The following THAP2 variants were observed in gnomAD, a reference collection of about 807,000 sequenced individuals.
THAP2 encodes THAP domain-containing protein 2.
THAP2 carries 16 observed loss-of-function variants against 18.8 expected under a neutral mutation model. That is an observed-to-expected ratio of 0.85 (90% CI 0.58 to 1.29). The LOEUF (loss-of-function observed/expected upper bound fraction) is 1.29. Among genes scored for constraint, THAP2 ranks in the 50% most tolerant of loss-of-function variants. THAP2 has a pLI of 0.00. For missense variants in THAP2, 251 were observed against 265.3 expected (o/e 0.95, Z 0.38); for synonymous variants, 80 against 89.2 (o/e 0.90, Z 0.58).
At chr12:71,675,658 A>T (rs1299085697) in intron 2 of THAP2, among the ~76,000 whole-genome samples, 1 of 152,114 alleles carries the variant, frequency 6.6e-6, no homozygotes, top group Non-Finnish European at 1.5e-5. Context: ...AATTAAAGAC[A>T]CAGACTTATG....
Position 71,664,407 on chromosome 12 carries a change from A to T in THAP2, c.-103A>T. 6.9e-7 allele frequency: 1 copy of T among 1,456,644 alleles called. No homozygotes were observed. The highest frequency in any genetic ancestry group is 9.6e-7 in the Non-Finnish European group (1 of 1,040,264). 90.2% of individuals were successfully genotyped at this position (1,456,644 alleles called of 1,614,324 possible). ...CCGCTCTCACGACTAAGCTCTCACG[A>T]TTAAGGCACGCCTGCCTCGATTGTC... On this transcript the variant is annotated 5_prime_UTR_variant, in exon 1 of 3. Coordinates refer to ENST00000308086, the MANE Select transcript of THAP2 (RefSeq NM_031435.4).
At chr12:71,667,621 A>T (rs190206725) in intron 1 of THAP2, 1 of 152,322 alleles carries the variant, frequency 6.6e-6, no homozygotes, top group East Asian at 1.9e-4. Context: ...CCTTGATTAG[A>T]TTATTACAGT....
Position 71,674,252 on chromosome 12 carries a change from C to G in THAP2, c.121C>G (p.Arg41Gly). The change falls in exon 2 of 3, where the codon CGC (arginine) becomes GGC (glycine). Residue 41 changes from arginine (R) to glycine (G), a missense_variant. By Grantham distance (125) the Arg-to-Gly change is moderately radical (BLOSUM62 -2). Transcript: ENST00000308086. ...AAAAGAATGGGTTCGCCTGGTTAGG[C>G]GCAAAAATTTTGTGCCAGGAAAACA... ...RRKEWVRLVR[R>G]KNFVPGKHTF... The G allele has an allele frequency of 6.2e-7, 1 of 1,611,614 alleles. No homozygotes were observed. The highest frequency in any genetic ancestry group is 1.7e-4 in the Middle Eastern group (1 of 6,046).
At chr12:71,669,797 A>C (rs1216785058) in intron 1 of THAP2, among the ~76,000 whole-genome samples, 2 of 151,966 alleles carry the variant, frequency 1.3e-5, no homozygotes, top group African/African-American at 4.8e-5. Context: ...TCTACTAAAA[A>C]TATAGAAAAA....
intron 1 of THAP2, among the ~76,000 whole-genome samples, chr12:71,672,908 C>T (rs1881465382): frequency 6.6e-6 from 1 of 152,112 alleles, no homozygotes; most frequent in Non-Finnish European, 1.5e-5. Context: ...CCATGATACA[C>T]AACTTACTGG....
rs543818745 is a variant in THAP2 at position 71,664,474 on chromosome 12, A to C, written c.-36A>C. 6.2e-7 allele frequency: 1 copy of C among 1,613,256 alleles called. No individual in the cohort carries two copies. The highest frequency in any genetic ancestry group is 1.7e-5 in the Admixed American group (1 of 60,008). On this transcript the variant is annotated 5_prime_UTR_variant, in exon 1 of 3. Coordinates refer to ENST00000308086, the MANE Select transcript of THAP2 (RefSeq NM_031435.4). ...AAAGCTTAGCAGCCAGCGCCTCAGT[A>C]GAGACCTAAGGGCGCTGAATGAGTG...
chr12:71,664,453 C>A lies in THAP2; in HGVS notation c.-57C>A, dbSNP rs1881287691. ...TTGTCCAGCCTCTGCCAGAAGAAAGCTTAGCAGCCAGCGCCTCAGTAGAGA... is the reference window on the plus strand; with the variant it reads ...TTGTCCAGCCTCTGCCAGAAGAAAGATTAGCAGCCAGCGCCTCAGTAGAGA... On this transcript the variant is annotated 5_prime_UTR_variant, in exon 1 of 3. Coordinates refer to ENST00000308086, the MANE Select transcript of THAP2 (RefSeq NM_031435.4). The A allele has an allele frequency of 1.3e-6, 2 of 1,598,966 alleles. No homozygotes were observed. The highest frequency in any genetic ancestry group is 3.3e-5 in the Admixed American group (2 of 59,900).
intron 1 of THAP2, among the ~76,000 whole-genome samples, chr12:71,672,837 T>A (rs1011957026): frequency 1.3e-5 from 2 of 152,118 alleles, no homozygotes; most frequent in African/African-American, 4.8e-5. Context: ...TTATTTAAGG[T>A]TTATGGTATT....
chr12:71,676,314 G>A (rs1881519220), intron 2 of THAP2, among the ~76,000 whole-genome samples: 1 of 152,016 alleles, frequency 6.6e-6, no homozygotes, highest in Non-Finnish European at 1.5e-5. Context: ...ATTAAAAGGG[G>A]ATCAAATTAA....
chr12:71,676,377 G>C lies in THAP2; in HGVS notation c.268-312G>C, dbSNP rs187444571. Among the ~76,000 whole-genome samples, 504 of 152,084 alleles carry C rather than the reference G, an allele frequency of 3.3e-3. 5 individuals are homozygous for C. Among genetic ancestry groups the C allele is most frequent in the African/African-American group, 0.011 (467 of 41,528 alleles). On this transcript the variant is annotated intron_variant, in intron 2 of 2. Transcript: ENST00000308086. ...TAAATTGACCTTAGTAAATTGCAAA[G>C]GATCTTTAAAGTCTCTATAGAGTCA...
intron 1 of THAP2, among the ~76,000 whole-genome samples, chr12:71,668,707 T>C (rs1387465629): frequency 6.6e-6 from 1 of 152,208 alleles, no homozygotes; most frequent in East Asian, 1.9e-4. Flanking sequence ...GTATGAGGCA[T>C]TCAACTAATT....
At chr12:71,664,859 C>T (rs774299486) in intron 1 of THAP2, 58 of 702,472 alleles carry the variant, frequency 8.3e-5, no homozygotes, top group Non-Finnish European at 1.3e-4. Flanking sequence ...CTGTTTTATT[C>T]CTCTGTTAGA....
intron 1 of THAP2, among the ~76,000 whole-genome samples, chr12:71,673,364 G>GA (rs1336348783): frequency 6.6e-6 from 1 of 151,414 alleles, no homozygotes; most frequent in Non-Finnish European, 1.5e-5. Flanking sequence ...TATATTTATT[G>GA]AAAAAAATAC....
chr12:71,674,529 T>C (rs755992997), intron 2 of THAP2, 131 bp downstream of exon 2: 13 of 710,876 alleles, frequency 1.8e-5, no homozygotes, highest in Non-Finnish European at 2.6e-5. Context: ...TCTTGTACAG[T>C]AAAGGTACAG....
chr12:71,664,989 G>T lies in THAP2; in HGVS notation c.71+409G>T, dbSNP rs1799288636. ...AAATTCTCACTAGATGAATTGACAT[G>T]GGAGGCATTTAGATTTCTAATAGTC... On this transcript the variant is annotated intron_variant, in intron 1 of 2. Transcript: ENST00000308086. 7.1e-6 allele frequency: 5 copies of T among 702,190 alleles called. No individual in the cohort carries two copies. The Middle Eastern group carries it at 6.9e-4, about 97-fold the overall frequency. 43.5% of individuals were successfully genotyped at this position (702,190 alleles called of 1,614,324 possible).
In THAP2 at chr12:71,670,485, C is replaced by G. The variant is rs562976624; in HGVS notation, c.72-3718C>G. 5.3e-5 allele frequency among the ~76,000 whole-genome samples: 8 copies of G among 152,234 alleles called. No homozygotes were observed. The East Asian group carries it at 1.4e-3, about 26-fold the overall frequency. On this transcript the variant is annotated intron_variant, in intron 1 of 2. Transcript: ENST00000308086. The stretch of plus-strand genomic sequence containing the variant: ...CAGGGTTTAGGGGTGCAGAAGCTCC[C>G]TCACCACACAGTTGAAAATCGGAGT...
intron 1 of THAP2, among the ~76,000 whole-genome samples, chr12:71,673,940 A>C (rs1881480857): frequency 6.6e-6 from 1 of 151,936 alleles, no homozygotes. Context: ...TTTACTGCCC[A>C]GATTAAGGGC....
intron 1 of THAP2, among the ~76,000 whole-genome samples, chr12:71,666,521 A>G (rs942747392): frequency 6.6e-6 from 1 of 152,092 alleles, no homozygotes; most frequent in Non-Finnish European, 1.5e-5. Flanking sequence ...TCAAGAAAAA[A>G]CAAAAAACAA....
In THAP2 at chr12:71,679,014, A is replaced by C. The variant is rs1881562245; in HGVS notation, c.*1906A>C. Reference sequence around the variant, plus strand: ...ACTGACCATATCTATTTTATAACTCAAAATAAGTTGGACAAATAATCATTT... The same window carrying C: ...ACTGACCATATCTATTTTATAACTCCAAATAAGTTGGACAAATAATCATTT... On this transcript the variant is annotated 3_prime_UTR_variant, in exon 3 of 3. Transcript: ENST00000308086. The C allele has an allele frequency of 6.6e-6, 1 of 152,184 alleles. No homozygotes were observed. The allele number at this position is 152,184 out of a possible 1,614,324, so 9.4% of individuals were successfully genotyped here.
Sources: gnomAD v4.1 joint callset for allele counts (sites outside exome capture counted in the v4.1 genomes callset) on GRCh38, gnomAD v4.1.1 for gene constraint, MANE v1.5 for transcripts, NCBI Gene and HGNC (gene_info 2026-07-23, HGNC 2026-07-21) for gene names.